The following ARNT2 variants were observed in gnomAD, a reference collection of about 807,000 sequenced individuals.
The protein encoded by ARNT2 is ARNT protein 2.
In ARNT2, 36 loss-of-function variants were observed where a neutral mutation model predicts 91.7. The ratio of observed to expected loss-of-function variants is 0.39; its 90% CI spans 0.30 to 0.52. The LOEUF (loss-of-function observed/expected upper bound fraction) is 0.52. Among genes scored for constraint, ARNT2 ranks in the 20% least tolerant of loss-of-function variants. The pLI is 0.72. For synonymous variants in ARNT2, 365 were observed against 347.1 expected (o/e 1.05, Z -0.57); for missense variants, 775 against 939.3 (o/e 0.83, Z 2.29).
chr15:80,418,177 AAG>A (rs1257645008), intron 1 of ARNT2, among the ~76,000 whole-genome samples: 6 of 152,170 alleles, frequency 3.9e-5, no homozygotes, highest in Non-Finnish European at 7.3e-5. Context: ...GTGCTTGTTG[AAG>A]AGAGGGGGTC....
chr15:80,417,159 T>C (rs1323675487), intron 1 of ARNT2, among the ~76,000 whole-genome samples: 3 of 152,214 alleles, frequency 2.0e-5, no homozygotes, highest in Non-Finnish European at 4.4e-5. Context: ...CCAACTTTCC[T>C]GACATACAAA....
intron 12 of ARNT2, among the ~76,000 whole-genome samples, chr15:80,564,450 G>A (rs1272036492): frequency 2.6e-5 from 4 of 151,952 alleles, no homozygotes; most frequent in African/African-American, 9.7e-5. Flanking sequence ...CTCAGCCTCT[G>A]CCCTGCTCCT....
chr15:80,491,983 T>C (rs1218434806), intron 5 of ARNT2, among the ~76,000 whole-genome samples: 3 of 152,156 alleles, frequency 2.0e-5, no homozygotes, highest in Non-Finnish European at 4.4e-5. Flanking sequence ...TACACAGGTG[T>C]ACGTCTATTT....
chr15:80,509,428 T>G (rs1268175645), intron 6 of ARNT2, among the ~76,000 whole-genome samples: 1 of 150,912 alleles, frequency 6.6e-6, no homozygotes, highest in Admixed American at 6.6e-5. Flanking sequence ...GGTAACAGAG[T>G]GAATCTCTGT....
intron 17 of ARNT2, among the ~76,000 whole-genome samples, chr15:80,586,632 G>A (rs947797123): frequency 3.3e-5 from 5 of 152,066 alleles, no homozygotes; most frequent in Non-Finnish European, 7.4e-5. Context: ...TTGGGAGGCC[G>A]AGGTGGGTTG....
intron 17 of ARNT2, among the ~76,000 whole-genome samples, chr15:80,586,046 A>G (rs1197946499): frequency 3.9e-5 from 6 of 152,184 alleles, no homozygotes; most frequent in Non-Finnish European, 7.3e-5. Flanking sequence ...AAGAATGTAT[A>G]TGACCTGAAT....
intron 17 of ARNT2, 37 bp downstream of exon 17, chr15:80,581,441 C>A: frequency 6.2e-7 from 1 of 1,612,078 alleles, no homozygotes; most frequent in Non-Finnish European, 8.5e-7. Context: ...TCTGGGAAAG[C>A]CAGCACAAAT....
intron 5 of ARNT2, among the ~76,000 whole-genome samples, chr15:80,488,355 T>G (rs1003835383): frequency 2.6e-5 from 4 of 152,228 alleles, no homozygotes; most frequent in African/African-American, 9.6e-5. Flanking sequence ...AACACTGGTG[T>G]GCTTCTTTGT....
rs777408651 is a variant in ARNT2, at chr15:80,597,159, CCTT to C, written c.*3464_*3466del. 7 of 518,590 alleles carry C rather than the reference CCTT, an allele frequency of 1.3e-5. No homozygotes were observed. The highest frequency in any genetic ancestry group is 2.7e-5 in the Non-Finnish European group (7 of 259,848). The allele number at this position is 518,590 out of a possible 1,614,324, so 32.1% of individuals were successfully genotyped here. On this transcript the variant is annotated 3_prime_UTR_variant, in exon 19 of 19. Transcript: ENST00000303329. ...TAGCCACACATGCAAACATCAGTGT[CCTT>C]CTAGCTTTAGCCGAGAAAGAAACCA...
chr15:80,542,251 G>A (rs865863404), intron 8 of ARNT2, among the ~76,000 whole-genome samples: 1 of 152,158 alleles, frequency 6.6e-6, no homozygotes, highest in Non-Finnish European at 1.5e-5. Flanking sequence ...AAGCCAGCTT[G>A]TTATTTTAAC....
At chr15:80,493,352 G>T (rs1370719307) in intron 5 of ARNT2, among the ~76,000 whole-genome samples, 2 of 151,938 alleles carry the variant, frequency 1.3e-5, no homozygotes, top group African/African-American at 4.8e-5. Context: ...AGCAAGTGGC[G>T]GGGGGTGGGG....
chr15:80,574,943 C>T (rs1898643866), intron 13 of ARNT2, 44 bp from the exon 14 acceptor site: 1 of 1,604,386 alleles, frequency 6.2e-7, no homozygotes, highest in East Asian at 2.2e-5. Context: ...TGTTCTGTGC[C>T]TTACGCATGA....
intron 11 of ARNT2, 173 bp downstream of exon 11, chr15:80,555,312 AC>A (rs1440020402): frequency 3.3e-6 from 2 of 606,402 alleles, no homozygotes; most frequent in Non-Finnish European, 5.9e-6. Flanking sequence ...AGACAGACAC[AC>A]ATCAGTAAAT....
At chr15:80,425,777 G>A (rs1895924693) in intron 1 of ARNT2, among the ~76,000 whole-genome samples, 1 of 152,116 alleles carries the variant, frequency 6.6e-6, no homozygotes, top group Non-Finnish European at 1.5e-5. Context: ...GCCAGGCATA[G>A]TAGCTCATGC....
chr15:80,561,899 T>C (rs1278678956), intron 11 of ARNT2, among the ~76,000 whole-genome samples: 1 of 152,226 alleles, frequency 6.6e-6, no homozygotes, highest in Non-Finnish European at 1.5e-5. Flanking sequence ...TATGAGTTGC[T>C]GTTAATCTCT....
chr15:80,461,280 C>T (rs191549648), intron 3 of ARNT2, among the ~76,000 whole-genome samples: 51 of 152,310 alleles, frequency 3.3e-4, no homozygotes, highest in African/African-American at 1.2e-3. Flanking sequence ...TTCTCAGACT[C>T]AGGGTTGAGG....
intron 10 of ARNT2, 125 bp downstream of exon 10, chr15:80,552,899 C>A: frequency 8.3e-7 from 1 of 1,207,624 alleles, no homozygotes; most frequent in Non-Finnish European, 1.1e-6. Context: ...CCCATATACC[C>A]TGCCTAGATA....
At chr15:80,548,469 A>G (rs1480943003) in intron 8 of ARNT2, among the ~76,000 whole-genome samples, 4 of 152,178 alleles carry the variant, frequency 2.6e-5, no homozygotes, top group African/African-American at 4.8e-5. Context: ...AGGCAAAAGA[A>G]TGCACAAAGA....
chr15:80,415,397 C>T (rs187385293), intron 1 of ARNT2, among the ~76,000 whole-genome samples: 2 of 152,226 alleles, frequency 1.3e-5, no homozygotes, highest in African/African-American at 2.4e-5. Context: ...ACAGAGCTTT[C>T]CTGTGTGGCA....
Sources: allele counts gnomAD v4.1 joint callset (sites outside exome capture counted in the v4.1 genomes callset), GRCh38; gene constraint gnomAD v4.1.1; transcripts MANE v1.5; gene names NCBI Gene and HGNC (gene_info 2026-07-23, HGNC 2026-07-21).